AR: variants seen among roughly 807,000 people sequenced by gnomAD.
AR encodes the protein androgen receptor.
In AR, 8 loss-of-function variants were observed where a neutral mutation model predicts 53.9. The ratio of observed to expected loss-of-function variants is 0.15; its 90% CI spans 0.09 to 0.27. AR has a LOEUF of 0.27. Among genes scored for constraint, AR ranks in the 10% least tolerant of loss-of-function variants. The pLI is 1.00. For missense variants in AR, 639 were observed against 742.5 expected, an observed-to-expected ratio of 0.86 and a Z score of 1.62; for synonymous variants, 359 against 316.4, an observed-to-expected ratio of 1.13 and a Z score of -1.43.
At chrX:67,681,104 G>T (rs2075931000) in intron 2 of AR, 1 of 130,719 alleles carries the variant, frequency 7.6e-6, no homozygotes, top group African/African-American at 3.2e-5. Flanking sequence ...ACTTCAACAT[G>T]AGAAGATTTT....
chrX:67,691,959 A>G (rs2075997705), intron 3 of AR, among the ~76,000 whole-genome samples: 1 of 112,317 alleles, frequency 8.9e-6, no homozygotes, highest in African/African-American at 3.2e-5. Context: ...TCTAAGAAAT[A>G]TAGTGACTTC....
intron 1 of AR, among the ~76,000 whole-genome samples, chrX:67,577,604 G>A (rs1409657275): frequency 5.4e-5 from 6 of 111,131 alleles, no homozygotes; most frequent in African/African-American, 2.0e-4. Flanking sequence ...AAGTATATGA[G>A]AGTTTTAGTT....
At chrX:67,546,891 C>G in intron 1 of AR, 129 bp downstream of exon 1, 2 of 776,590 alleles carry the variant, frequency 2.6e-6, no homozygotes, top group Non-Finnish European at 3.8e-6. Context: ...CAGGGTAAAC[C>G]TAGAGCTCTC....
chrX:67,708,876 G>T (rs2076080989), intron 3 of AR, among the ~76,000 whole-genome samples: 1 of 112,121 alleles, frequency 8.9e-6, no homozygotes, highest in African/African-American at 3.2e-5. Context: ...ACCCTCAGCT[G>T]CAGGTCTGTT....
At chrX:67,620,078 G>C (rs1924298976) in intron 1 of AR, among the ~76,000 whole-genome samples, 1 of 110,491 alleles carries the variant, frequency 9.1e-6, no homozygotes, top group Non-Finnish European at 1.9e-5. Context: ...CTTCTTGGTT[G>C]TGGATTCTCG....
intron 1 of AR, among the ~76,000 whole-genome samples, chrX:67,614,052 A>C (rs1369156336): frequency 8.9e-6 from 1 of 112,175 alleles, no homozygotes; most frequent in Admixed American, 9.5e-5. Context: ...CCTGCTTCAT[A>C]ATTCCCTAGG....
At chrX:67,662,817 T>C (rs1386863435) in intron 2 of AR, among the ~76,000 whole-genome samples, 26 of 110,652 alleles carry the variant, frequency 2.3e-4, no homozygotes, top group Non-Finnish European at 4.4e-4. Flanking sequence ...CCTGTATTGG[T>C]TGCATATATA....
chrX:67,546,808 G>A (rs2147323602), intron 1 of AR, 46 bp downstream of exon 1: 1 of 1,155,696 alleles, frequency 8.7e-7, no homozygotes, highest in Non-Finnish European at 1.2e-6. Context: ...CCAGGGCAGA[G>A]TCACTCTGTG....
At chrX:67,577,440 C>T (rs1602167202) in intron 1 of AR, among the ~76,000 whole-genome samples, 2 of 111,007 alleles carry the variant, frequency 1.8e-5, no homozygotes, top group African/African-American at 6.5e-5. Context: ...TATGAACGTT[C>T]GTGTACAAGT....
chrX:67,619,336 T>A (rs1362670961), intron 1 of AR, among the ~76,000 whole-genome samples: 4 of 110,640 alleles, frequency 3.6e-5, no homozygotes, highest in African/African-American at 1.3e-4. Flanking sequence ...TCTCTCTGTG[T>A]GTGTGTGTGT....
rs750509518 is a variant in AR, at chrX:67,725,572, G to T, written c.*1731G>T. On this transcript the variant is annotated 3_prime_UTR_variant, in exon 8 of 8. Transcript: ENST00000374690. ...CATGAGAAGAGAGAAGGAACAAAGA[G>T]GAGACTCTGACTACTGAATTAAAAT... 1.3e-3 allele frequency: 224 copies of T among 174,078 alleles called. No individual in the cohort carries two copies. Among genetic ancestry groups the T allele is most frequent in the Admixed American group, 2.0e-3 (25 of 12,698 alleles). The allele number at this position is 174,078 out of a possible 1,213,427, so 14.3% of individuals were successfully genotyped here.
chrX:67,725,948 C>G lies in AR; in HGVS notation c.*2107C>G. On this transcript the variant is annotated 3_prime_UTR_variant, in exon 8 of 8. Coordinates refer to ENST00000374690, the MANE Select transcript of AR (RefSeq NM_000044.6). Reference sequence around the variant, plus strand: ...TCCACCTACTTTCTCATCTTGGCCTCTGCCTCCTTACTTAGCTCTTAATCT... The same window carrying G: ...TCCACCTACTTTCTCATCTTGGCCTGTGCCTCCTTACTTAGCTCTTAATCT... 5.7e-6 allele frequency: 1 copy of G among 176,035 alleles called. No homozygotes were observed. Among genetic ancestry groups the G allele is most frequent in the Non-Finnish European group, 1.1e-5 (1 of 91,852 alleles). The allele number at this position is 176,035 out of a possible 1,213,427, so 14.5% of individuals were successfully genotyped here.
At position 67,544,575 on chromosome X, in the gene AR, G is replaced by C. The variant is rs374604724; in HGVS notation, c.-572G>C. The C allele has an allele frequency of 8.4e-5, 14 of 167,055 alleles. No individual in the cohort carries two copies. In the South Asian group the frequency reaches 5.1e-3, roughly 61 times the overall value. 13.8% of individuals were successfully genotyped at this position (167,055 alleles called of 1,213,427 possible). ...AAGGCTCTTAGGAGCCAGGCGACTG[G>C]GGAGCGGCTTCAGCACTGCAGCCAC... On this transcript the variant is annotated 5_prime_UTR_variant, in exon 1 of 8. Coordinates refer to ENST00000374690, the MANE Select transcript of AR (RefSeq NM_000044.6).
chrX:67,693,499 G>C (rs2076005286), intron 3 of AR, among the ~76,000 whole-genome samples: 1 of 112,406 alleles, frequency 8.9e-6, no homozygotes, highest in Non-Finnish European at 1.9e-5. Context: ...ACTTGTTACA[G>C]ATTGTGGGAT....
At chrX:67,584,052 A>G (rs1173097182) in intron 1 of AR, among the ~76,000 whole-genome samples, 2 of 112,331 alleles carry the variant, frequency 1.8e-5, no homozygotes, top group Admixed American at 1.9e-4. Flanking sequence ...ATCAGAAAGG[A>G]GGTAGTTCTC....
chrX:67,580,784 G>T (rs752170625), intron 1 of AR, among the ~76,000 whole-genome samples: 2 of 110,507 alleles, frequency 1.8e-5, no homozygotes, highest in South Asian at 7.6e-4. Flanking sequence ...GAGTTTTTTT[G>T]TTCTGTTGCT....
Position 67,726,377 on chromosome X carries a change from T to G in AR, c.*2536T>G, listed in dbSNP as rs2076157604. 5.8e-6 allele frequency: 1 copy of G among 173,673 alleles called. No homozygotes were observed. The highest frequency in any genetic ancestry group is 3.1e-4 in the South Asian group (1 of 3,226). The allele number at this position is 173,673 out of a possible 1,213,427, so 14.3% of individuals were successfully genotyped here. On this transcript the variant is annotated 3_prime_UTR_variant, in exon 8 of 8. Coordinates refer to ENST00000374690, the MANE Select transcript of AR (RefSeq NM_000044.6). Reference sequence around the variant, plus strand: ...TACATTTTAATAGGTCCTTTACATCTGTTTTGGAATGATTTTCATCTTTTG... The same window carrying G: ...TACATTTTAATAGGTCCTTTACATCGGTTTTGGAATGATTTTCATCTTTTG...
At chrX:67,679,624 G>A (rs996325339) in intron 2 of AR, among the ~76,000 whole-genome samples, 5 of 111,224 alleles carry the variant, frequency 4.5e-5, no homozygotes, top group Non-Finnish European at 7.6e-5. Context: ...TCACCAACAC[G>A]TAGTATTTAA....
chrX:67,724,533 G>C lies in AR; in HGVS notation c.*692G>C. On this transcript the variant is annotated 3_prime_UTR_variant, in exon 8 of 8. Transcript: ENST00000374690. ...CAATGGCTATTGCCATTAGAGGGCA[G>C]AGTGACCCCAGAGCTGAGTTGGGCA... 5.7e-6 allele frequency: 1 copy of C among 175,694 alleles called. No homozygotes were observed. Among genetic ancestry groups the C allele is most frequent in the Non-Finnish European group, 1.1e-5 (1 of 91,989 alleles). The allele number at this position is 175,694 out of a possible 1,213,427, so 14.5% of individuals were successfully genotyped here.
Sources: allele counts gnomAD v4.1 joint callset (sites outside exome capture counted in the v4.1 genomes callset), GRCh38; gene constraint gnomAD v4.1.1; transcripts MANE v1.5; gene names NCBI Gene and HGNC (gene_info 2026-07-23, HGNC 2026-07-21).